PRTG: variants seen among roughly 807,000 people sequenced by gnomAD.
PRTG encodes the protein protogenin.
PRTG carries 67 observed loss-of-function variants against 122.5 expected under a neutral mutation model. That is an observed-to-expected ratio of 0.55 (90% CI 0.45 to 0.67). The LOEUF (loss-of-function observed/expected upper bound fraction) is 0.67. Ranked by LOEUF, PRTG falls within the 30% of genes least tolerant of loss-of-function variation. PRTG has a pLI of 0.00. For synonymous variants in PRTG, 554 were observed against 501.1 expected (o/e 1.11, Z -1.41); for missense variants, 1,435 against 1,415.4 (o/e 1.01, Z -0.22).
chr15:55,725,980 T>C (rs1231780235), intron 2 of PRTG, among the ~76,000 whole-genome samples: 17 of 151,908 alleles, frequency 1.1e-4, no homozygotes, highest in Non-Finnish European at 2.1e-4. Flanking sequence ...AGTCTCACTC[T>C]GTTGCGAGGC....
intron 2 of PRTG, among the ~76,000 whole-genome samples, chr15:55,694,900 T>C (rs1330140708): frequency 6.6e-6 from 1 of 152,144 alleles, no homozygotes; most frequent in Non-Finnish European, 1.5e-5. Context: ...CTCTCTTCCC[T>C]CCACAGTCAG....
At chr15:55,690,764 C>G (rs2059596204) in intron 2 of PRTG, among the ~76,000 whole-genome samples, 1 of 152,166 alleles carries the variant, frequency 6.6e-6, no homozygotes, top group African/African-American at 2.4e-5. Flanking sequence ...TTAATAAAGA[C>G]AGAAATAACA....
At chr15:55,687,352 GCCAATAGAGTGAAAA>G (rs1035148379) in intron 2 of PRTG, among the ~76,000 whole-genome samples, 1 of 152,008 alleles carries the variant, frequency 6.6e-6, no homozygotes, top group African/African-American at 2.4e-5. Context: ...GATTAAACAA[GCCAATAGAGTGAAAA>G]CTTCTTATAA....
intron 2 of PRTG, among the ~76,000 whole-genome samples, chr15:55,709,836 T>C (rs2030309638): frequency 6.6e-6 from 1 of 152,124 alleles, no homozygotes; most frequent in Admixed American, 6.5e-5. Context: ...AGCAGATCAG[T>C]GGTTGCCTGG....
intron 6 of PRTG, chr15:55,679,653 C>T (rs1483375713): frequency 4.0e-6 from 2 of 500,938 alleles, no homozygotes; most frequent in African/African-American, 3.8e-5. Flanking sequence ...CTATTCAGAG[C>T]ATCTATATAG....
chr15:55,636,562 T>C (rs934290789), intron 15 of PRTG, among the ~76,000 whole-genome samples: 2 of 152,144 alleles, frequency 1.3e-5, no homozygotes, highest in Non-Finnish European at 1.5e-5. Flanking sequence ...AGTCCAGGAC[T>C]ATCACCTCTT....
intron 2 of PRTG, among the ~76,000 whole-genome samples, chr15:55,703,935 G>A (rs568865932): frequency 9.2e-5 from 14 of 152,216 alleles, no homozygotes; most frequent in African/African-American, 2.9e-4. Flanking sequence ...AAGTGTATGC[G>A]ACATGCTAAT....
intron 4 of PRTG, chr15:55,681,445 A>G (rs978347649): frequency 1.2e-4 from 18 of 152,078 alleles, no homozygotes; most frequent in African/African-American, 4.1e-4. Flanking sequence ...AATAAAAACT[A>G]TCATCTATTG....
chr15:55,675,310 A>C (rs2059496197), intron 9 of PRTG, among the ~76,000 whole-genome samples: 1 of 152,142 alleles, frequency 6.6e-6, no homozygotes, highest in Non-Finnish European at 1.5e-5. Context: ...TGGGAATATA[A>C]GAATTTTATT....
In PRTG at chr15:55,618,706, A is replaced by T. The variant is rs2059151133; in HGVS notation, c.*1306T>A. ...CAAGTAGGGTGGTAGAACTCTGAAT[A>T]TTTATCCCTAAACAAAACCTGCACT... On this transcript the variant is annotated 3_prime_UTR_variant, in exon 20 of 20. Coordinates refer to ENST00000389286, the MANE Select transcript of PRTG (RefSeq NM_173814.6). 2 of 152,174 alleles carry T rather than the reference A, an allele frequency of 1.3e-5. No individual in the cohort carries two copies. The highest frequency in any genetic ancestry group is 2.9e-5 in the Non-Finnish European group (2 of 68,022). The allele number at this position is 152,174 out of a possible 1,614,324, so 9.4% of individuals were successfully genotyped here. A position where few individuals can be genotyped will look rare whatever the true frequency, so the allele number is the denominator to read the frequency against.
chr15:55,687,412 T>A (rs1195627536), intron 2 of PRTG, among the ~76,000 whole-genome samples: 2 of 152,228 alleles, frequency 1.3e-5, no homozygotes, highest in Non-Finnish European at 2.9e-5. Flanking sequence ...ATCACTCTGC[T>A]GCCTTGAGTT....
chr15:55,629,375 A>ATATATGTGTG (rs1374294067), intron 15 of PRTG, among the ~76,000 whole-genome samples: 6 of 47,936 alleles, frequency 1.3e-4, no homozygotes, highest in African/African-American at 3.4e-4. Context: ...ATATATATAT[A>ATATATGTGTG]TGTGTGTGTG....
Position 55,612,713 on chromosome 15 carries a change from T to C in PRTG, c.*7299A>G, listed in dbSNP as rs1437257651. ...TTAAAAGCCAATATATATATATATATATATATATATATATATATATATATA... is the reference window on the plus strand; with the variant it reads ...TTAAAAGCCAATATATATATATATACATATATATATATATATATATATATA... On this transcript the variant is annotated 3_prime_UTR_variant, in exon 20 of 20. Transcript: ENST00000389286. 1 of 13,344 alleles carries C rather than the reference T, an allele frequency of 7.5e-5. No homozygotes were observed. The highest frequency in any genetic ancestry group is 9.7e-5 in the African/African-American group (1 of 10,262). The allele number at this position is 13,344 out of a possible 1,614,324, so 0.8% of individuals were successfully genotyped here. A position where few individuals can be genotyped will look rare whatever the true frequency, so the allele number is the denominator to read the frequency against.
At chr15:55,630,013 G>A (rs1309007486) in intron 15 of PRTG, among the ~76,000 whole-genome samples, 1 of 145,512 alleles carries the variant, frequency 6.9e-6, no homozygotes, top group Non-Finnish European at 1.5e-5. Context: ...TTGAGACGGA[G>A]TCTCACTCTG....
chr15:55,653,477 T>C (rs77786803), intron 11 of PRTG, among the ~76,000 whole-genome samples: 2 of 149,738 alleles, frequency 1.3e-5, no homozygotes, highest in Admixed American at 6.6e-5. Context: ...TTTTTTTTTT[T>C]CTGAGATGGA....
intron 6 of PRTG, 155 bp from the exon 7 acceptor site, chr15:55,679,600 CTTTTCTCGGCATTGCTCAGTG>C (rs1223331816): frequency 1.8e-6 from 1 of 569,932 alleles, no homozygotes; most frequent in East Asian, 3.0e-5. Context: ...CTCCAGGTGC[CTTTTCTCGGCATTGCTCAGTG>C]TTCACTTCCT....
At chr15:55,691,751 G>C (rs571436754) in intron 2 of PRTG, among the ~76,000 whole-genome samples, 32 of 151,380 alleles carry the variant, frequency 2.1e-4, no homozygotes, top group Admixed American at 9.2e-4. Flanking sequence ...TTAAAACTCT[G>C]TGTACTGGAA....
chr15:55,651,934 T>C (rs1466209883), intron 11 of PRTG, among the ~76,000 whole-genome samples: 1 of 152,124 alleles, frequency 6.6e-6, no homozygotes, highest in Non-Finnish European at 1.5e-5. Context: ...AATTCTCAAG[T>C]AGGGGGAAAA....
At chr15:55,620,828 CA>C (rs1302200430) in intron 18 of PRTG, 61 bp from the exon 19 acceptor site, 1 of 1,369,314 alleles carries the variant, frequency 7.3e-7, no homozygotes, top group Non-Finnish European at 1.0e-6. Context: ...CACTTTATCA[CA>C]AGTAGTGCAT....
Sources: gnomAD v4.1 joint callset for allele counts (sites outside exome capture counted in the v4.1 genomes callset) on GRCh38, gnomAD v4.1.1 for gene constraint, MANE v1.5 for transcripts, NCBI Gene and HGNC (gene_info 2026-07-23, HGNC 2026-07-21) for gene names.